SNAPC3: variants seen among roughly 807,000 people sequenced by gnomAD.
SNAPC3 encodes the protein small nuclear RNA activating complex polypeptide 3.
A neutral mutation model predicts 47.7 loss-of-function variants in SNAPC3; 56 were observed. That is an observed-to-expected ratio of 1.18 (90% confidence interval 0.95 to 1.47). SNAPC3 has a LOEUF of 1.47. Ranked by LOEUF, SNAPC3 falls within the 40% of genes most tolerant of loss-of-function variation. The pLI is 0.00. For synonymous variants in SNAPC3, 235 were observed against 189.9 expected, an observed-to-expected ratio of 1.24 and a Z score of -1.95; for missense variants, 665 against 511.3, an observed-to-expected ratio of 1.30 and a Z score of -2.90.
downstream of SNAPC3, chr9:15,462,741 G>A (rs972104985): frequency 1.3e-5 from 2 of 152,164 alleles, no homozygotes; most frequent in African/African-American, 4.8e-5. Context: ...CTAGGAGAAA[G>A]GTCAGTCATC....
chr9:15,438,268 CAGT>C (rs1445786210), intron 3 of SNAPC3, among the ~76,000 whole-genome samples: 4 of 152,118 alleles, frequency 2.6e-5, no homozygotes, highest in African/African-American at 9.7e-5. Context: ...TGTTGGCAAA[CAGT>C]AGTTCATAGT....
chr9:15,448,095 G>C (rs532734523), intron 5 of SNAPC3, among the ~76,000 whole-genome samples: 1 of 152,288 alleles, frequency 6.6e-6, no homozygotes, highest in East Asian at 1.9e-4. Context: ...GGGAGGGATA[G>C]CATCTCCTAG....
chr9:15,426,553 G>A (rs2031426496), intron 2 of SNAPC3, among the ~76,000 whole-genome samples: 1 of 152,128 alleles, frequency 6.6e-6, no homozygotes, highest in Non-Finnish European at 1.5e-5. Context: ...TGGAATAAAT[G>A]AAACTTTCAG....
chr9:15,426,253 G>T (rs1270612560), intron 2 of SNAPC3, among the ~76,000 whole-genome samples: 1 of 152,100 alleles, frequency 6.6e-6, no homozygotes, highest in Admixed American at 6.6e-5. Context: ...CCAGGCCTTT[G>T]CCCAGAACAG....
At chr9:15,444,467 A>G (rs1563848417) in intron 3 of SNAPC3, 135 bp from the exon 4 acceptor site, 1 of 592,570 alleles carries the variant, frequency 1.7e-6, no homozygotes, top group East Asian at 2.9e-5. Flanking sequence ...AGATGTCTTA[A>G]CAGTTTTCCC....
At chr9:15,442,501 GC>G (rs1351604040) in intron 3 of SNAPC3, among the ~76,000 whole-genome samples, 1 of 151,758 alleles carries the variant, frequency 6.6e-6, no homozygotes, top group Admixed American at 6.5e-5. Context: ...AGACCGGGCG[GC>G]TGGGCGGAGA....
chr9:15,461,689 A>C (rs1378226077), downstream of SNAPC3: 1 of 152,220 alleles, frequency 6.6e-6, no homozygotes. Context: ...TATCTTACAC[A>C]TGGAAAACTG....
chr9:15,428,393 C>T (rs1045669868), intron 2 of SNAPC3, among the ~76,000 whole-genome samples: 1 of 151,418 alleles, frequency 6.6e-6, no homozygotes. Flanking sequence ...CCTGTAGTCC[C>T]AGCTACTTGG....
intron 3 of SNAPC3, among the ~76,000 whole-genome samples, chr9:15,442,897 A>G (rs1587302677): frequency 6.6e-6 from 1 of 152,228 alleles, no homozygotes; most frequent in Non-Finnish European, 1.5e-5. Context: ...CACTGAGTGA[A>G]GGAGACTCCG....
At chr9:15,436,430 C>A (rs1435674386) in intron 3 of SNAPC3, among the ~76,000 whole-genome samples, 1 of 152,154 alleles carries the variant, frequency 6.6e-6, no homozygotes. Flanking sequence ...ACTGTCCTTT[C>A]CCTAGTGAAT....
chr9:15,465,493 T>A, downstream of SNAPC3: 1 of 1,494,626 alleles, frequency 6.7e-7, no homozygotes, highest in Non-Finnish European at 9.2e-7. Context: ...ACTTCTCAAG[T>A]GTTCTCTATA....
chr9:15,460,046 T>G lies in SNAPC3; in HGVS notation c.*180T>G, dbSNP rs2035088320. On this transcript the variant is annotated 3_prime_UTR_variant, in exon 9 of 9. Coordinates refer to ENST00000380821, the MANE Select transcript of SNAPC3 (RefSeq NM_001039697.2). ...TGATAGTATTTAAATGTTTATAACA[T>G]AGTTTAATTTTATATTTATTCCAGA... The G allele has an allele frequency of 1.6e-5, 7 of 441,028 alleles. No homozygotes were observed. The highest frequency in any genetic ancestry group is 8.3e-5 in the Admixed American group (2 of 24,080). 27.3% of individuals were successfully genotyped at this position (441,028 alleles called of 1,614,324 possible).
At chr9:15,438,893 A>T (rs1191439418) in intron 3 of SNAPC3, among the ~76,000 whole-genome samples, 1 of 152,056 alleles carries the variant, frequency 6.6e-6, no homozygotes, top group African/African-American at 2.4e-5. Context: ...CTGTTTCTTT[A>T]TTGATCTTCT....
At chr9:15,446,211 A>G (rs1368861515) in intron 4 of SNAPC3, among the ~76,000 whole-genome samples, 1 of 151,896 alleles carries the variant, frequency 6.6e-6, no homozygotes, top group Non-Finnish European at 1.5e-5. Flanking sequence ...TACCCATGGG[A>G]TTTTTGTTGG....
intron 2 of SNAPC3, among the ~76,000 whole-genome samples, chr9:15,426,045 C>A (rs545273487): frequency 2.0e-5 from 3 of 152,152 alleles, no homozygotes; most frequent in African/African-American, 7.2e-5. Context: ...TTAGTAGGGA[C>A]GGAGTTTCTC....
At chr9:15,457,254 G>T (rs559806475) in intron 7 of SNAPC3, among the ~76,000 whole-genome samples, 1 of 152,150 alleles carries the variant, frequency 6.6e-6, no homozygotes, top group Admixed American at 6.5e-5. Context: ...GTTAATCTAG[G>T]TAAAATATCA....
chr9:15,447,592 C>T (rs532746408), intron 5 of SNAPC3, among the ~76,000 whole-genome samples: 9 of 152,096 alleles, frequency 5.9e-5, no homozygotes, highest in African/African-American at 2.2e-4. Flanking sequence ...GTCGCCATCT[C>T]AGCTCAATAG....
chr9:15,425,842 G>A (rs2031308341), intron 2 of SNAPC3, among the ~76,000 whole-genome samples: 1 of 152,128 alleles, frequency 6.6e-6, no homozygotes, highest in Non-Finnish European at 1.5e-5. Flanking sequence ...AGGCCTCTAA[G>A]GAGTGGACCT....
chr9:15,423,916 A>C lies in SNAPC3; in HGVS notation c.322A>C (p.Lys108Gln), dbSNP rs920627230. 1.3e-6 allele frequency: 2 copies of C among 1,563,778 alleles called. No individual in the cohort carries two copies. Among genetic ancestry groups the C allele is most frequent in the Admixed American group, 3.9e-5 (2 of 51,206 alleles). The change falls in exon 2 of 9, where the codon AAA (lysine) becomes CAA (glutamine). Residue 108 changes from lysine to glutamine, a missense_variant. Transcript: ENST00000380821. ...AELRAVCGLD[K>Q]LKCLEDGEDP... ...TTTTCCTTTTTGTTTTAGCCTTGAT[A>C]AACTGAAATGCCTTGAGGACGGTGA...
Sources: gnomAD v4.1 joint callset for allele counts (sites outside exome capture counted in the v4.1 genomes callset) on GRCh38, gnomAD v4.1.1 for gene constraint, MANE v1.5 for transcripts, NCBI Gene and HGNC (gene_info 2026-07-23, HGNC 2026-07-21) for gene names.